Variants in ABTB2 observed in about 807,000 individuals in gnomAD.
The protein encoded by ABTB2 is ankyrin repeat and BTB/POZ domain-containing protein 2.
Under a neutral mutation model 104.1 loss-of-function variants are expected in ABTB2, and 56 were observed. That is an observed-to-expected ratio of 0.54 (90% CI 0.43 to 0.67). ABTB2 has a LOEUF of 0.67. Ranked by LOEUF, ABTB2 falls within the 30% of genes least tolerant of loss-of-function variation. The probability of loss-of-function intolerance (pLI) is 0.00; values close to 1 mark genes in which losing one functional copy is unlikely to be tolerated. For synonymous variants in ABTB2, 606 were observed against 608.2 expected (o/e 1.00, Z 0.05); for missense variants, 1,279 against 1,407.7 (o/e 0.91, Z 1.46).
intron 3 of ABTB2, among the ~76,000 whole-genome samples, chr11:34,174,356 A>G (rs1057116267): frequency 6.7e-6 from 1 of 150,078 alleles, no homozygotes; most frequent in Non-Finnish European, 1.5e-5. Flanking sequence ...AAAAAGAAAG[A>G]AAAAGAGTAG....
intron 1 of ABTB2, among the ~76,000 whole-genome samples, chr11:34,255,794 G>C (rs989495313): frequency 2.6e-5 from 4 of 152,210 alleles, no homozygotes; most frequent in African/African-American, 9.7e-5. Context: ...TGGGATTACA[G>C]GCGTGAGCCA....
chr11:34,346,080 C>T (rs565458351), intron 1 of ABTB2, among the ~76,000 whole-genome samples: 4 of 152,248 alleles, frequency 2.6e-5, no homozygotes, highest in South Asian at 4.1e-4. Context: ...CTCCATGTCT[C>T]GGCCTTCAGC....
intron 3 of ABTB2, among the ~76,000 whole-genome samples, chr11:34,179,101 T>G (rs1013076431): frequency 2.4e-5 from 3 of 122,996 alleles, no homozygotes; most frequent in African/African-American, 8.5e-5. Flanking sequence ...AAAAAAAAAA[T>G]TAATGAGGAC....
intron 3 of ABTB2, among the ~76,000 whole-genome samples, chr11:34,190,692 A>G (rs576715065): frequency 1.8e-4 from 28 of 152,296 alleles, no homozygotes; most frequent in African/African-American, 6.3e-4. Flanking sequence ...TATTAGTCAT[A>G]GTGGTAGTGG....
At chr11:34,294,075 G>A (rs764872979) in intron 1 of ABTB2, among the ~76,000 whole-genome samples, 1 of 152,200 alleles carries the variant, frequency 6.6e-6, no homozygotes, top group Non-Finnish European at 1.5e-5. Context: ...AGGGTACAGT[G>A]GCTCAAGGCT....
intron 1 of ABTB2, among the ~76,000 whole-genome samples, chr11:34,254,796 C>G (rs185241205): frequency 6.6e-6 from 1 of 151,676 alleles, no homozygotes; most frequent in African/African-American, 2.4e-5. Context: ...CTCAGCCTCC[C>G]GAGTAGCTGG....
At chr11:34,270,226 T>TGTA (rs1854297509) in intron 1 of ABTB2, among the ~76,000 whole-genome samples, 1 of 152,320 alleles carries the variant, frequency 6.6e-6, no homozygotes, top group East Asian at 1.9e-4. Context: ...GAGGACTAGA[T>TGTA]GTAACACTGG....
intron 1 of ABTB2, among the ~76,000 whole-genome samples, chr11:34,323,126 C>G (rs1004519129): frequency 2.6e-5 from 4 of 152,010 alleles, no homozygotes; most frequent in Non-Finnish European, 4.4e-5. Context: ...AGGCTGGTCT[C>G]GAACTCCTGA....
chr11:34,241,470 A>C (rs897274860), intron 1 of ABTB2, among the ~76,000 whole-genome samples: 3 of 152,166 alleles, frequency 2.0e-5, no homozygotes, highest in Non-Finnish European at 4.4e-5. Flanking sequence ...ACAGGAGTGG[A>C]AGGAATTGAA....
At chr11:34,284,709 A>G (rs1173932271) in intron 1 of ABTB2, among the ~76,000 whole-genome samples, 1 of 152,244 alleles carries the variant, frequency 6.6e-6, no homozygotes, top group Admixed American at 6.5e-5. Flanking sequence ...ACACATAGGA[A>G]CATTTATAAA....
rs1855470377 is a variant in ABTB2, at chr11:34,356,807, G to C, written c.777C>G (p.Gly259=). The change falls in exon 1 of 17, where the codon GGC becomes GGG. Residue 259 remains glycine, a synonymous_variant. Coordinates refer to ENST00000435224, the MANE Select transcript of ABTB2 (RefSeq NM_145804.3). This position sits in a 1 kb window ranked among gnomAD's most constrained non-coding sequence, Gnocchi z 4.6. The part of the protein sequence containing the change: ...SHSPDGGGAG[G]GEVSAEALEM... ...CCAGGGCCTCAGCAGACACCTCCCC[G>C]CCTCCGGCCCCTCCGCCATCAGGGC... The C allele has an allele frequency of 1.2e-6, 2 of 1,607,810 alleles. No individual in the cohort carries two copies. Among genetic ancestry groups the C allele is most frequent in the Non-Finnish European group, 1.7e-6 (2 of 1,177,256 alleles).
intron 1 of ABTB2, among the ~76,000 whole-genome samples, chr11:34,259,523 C>T (rs1565153235): frequency 6.6e-6 from 1 of 152,186 alleles, no homozygotes; most frequent in African/African-American, 2.4e-5. Flanking sequence ...CAGCTCCCCT[C>T]CTTCTCAGAA....
At chr11:34,232,322 C>T (rs186322500) in intron 1 of ABTB2, among the ~76,000 whole-genome samples, 93 of 152,072 alleles carry the variant, frequency 6.1e-4, no homozygotes, top group African/African-American at 2.1e-3. Flanking sequence ...TAGTGGTGCA[C>T]GCCTGTAGCG....
intron 1 of ABTB2, among the ~76,000 whole-genome samples, chr11:34,259,558 G>A (rs1854163828): frequency 6.6e-6 from 1 of 152,188 alleles, no homozygotes; most frequent in Admixed American, 6.5e-5. Flanking sequence ...TCCTCTGGGT[G>A]ATATAGAAGT....
chr11:34,160,066 T>C (rs1852687289), intron 12 of ABTB2, 58 bp from the exon 13 acceptor site: 1 of 1,472,982 alleles, frequency 6.8e-7, no homozygotes, highest in African/African-American at 1.4e-5. Flanking sequence ...TGGGGTTTGC[T>C]TGAGTGTGCT....
intron 1 of ABTB2, among the ~76,000 whole-genome samples, chr11:34,297,781 A>AT (rs1554923779): frequency 0.14 from 10,071 of 73,154 alleles, 926 homozygotes; most frequent in Admixed American, 0.2. Context: ...AAAAAAAAAA[A>AT]AAATAAAAAT....
At chr11:34,320,921 G>A (rs929096928) in intron 1 of ABTB2, among the ~76,000 whole-genome samples, 134 of 152,276 alleles carry the variant, frequency 8.8e-4, no homozygotes, top group Admixed American at 1.9e-3. Context: ...GGTGGCTCAC[G>A]CCTGTAATCC....
intron 2 of ABTB2, among the ~76,000 whole-genome samples, chr11:34,203,707 A>T (rs1179180256): frequency 6.6e-6 from 1 of 152,180 alleles, no homozygotes; most frequent in Non-Finnish European, 1.5e-5. Flanking sequence ...GCAGGGAAGG[A>T]GGAAGCCATG....
intron 1 of ABTB2, among the ~76,000 whole-genome samples, chr11:34,247,550 G>A (rs1273341276): frequency 6.6e-6 from 1 of 152,226 alleles, no homozygotes; most frequent in Non-Finnish European, 1.5e-5. Context: ...CGTTCAGTAG[G>A]TTAGGTGTAT....
Sources: allele counts gnomAD v4.1 joint callset (sites outside exome capture counted in the v4.1 genomes callset), GRCh38; gene constraint gnomAD v4.1.1; non-coding constraint Gnocchi (gnomAD v3.1); transcripts MANE v1.5; gene names NCBI Gene and HGNC (gene_info 2026-07-23, HGNC 2026-07-21).